CELF5: variants seen among roughly 807,000 people sequenced by gnomAD.
The protein encoded by CELF5 is CUGBP Elav-like family member 5.
In CELF5, 6 loss-of-function variants were observed where a neutral mutation model predicts 54.9. That is an observed-to-expected ratio of 0.11 (90% CI 0.06 to 0.22). CELF5 has a LOEUF of 0.22. Ranked by LOEUF, CELF5 falls within the 10% of genes least tolerant of loss-of-function variation. The pLI is 1.00. For missense variants in CELF5, 401 were observed against 678.6 expected, an observed-to-expected ratio of 0.59 and a Z score of 4.54; for synonymous variants, 271 against 290.9, an observed-to-expected ratio of 0.93 and a Z score of 0.70.
intron 1 of CELF5, among the ~76,000 whole-genome samples, chr19:3,247,186 G>A (rs764546742): frequency 3.3e-5 from 5 of 152,088 alleles, no homozygotes; most frequent in Non-Finnish European, 4.4e-5. Context: ...GAGTGCAGTG[G>A]CACAATCACA....
chr19:3,238,656 G>A (rs2079450003), intron 1 of CELF5, among the ~76,000 whole-genome samples: 1 of 152,118 alleles, frequency 6.6e-6, no homozygotes, highest in Non-Finnish European at 1.5e-5. Context: ...TTGAGGCCGG[G>A]TGTGGTGGCT....
intron 1 of CELF5, among the ~76,000 whole-genome samples, chr19:3,245,873 A>G (rs1409476264): frequency 1.3e-5 from 2 of 152,208 alleles, no homozygotes; most frequent in East Asian, 3.8e-4. Context: ...TCTCAATGAA[A>G]TACAACTGCA....
intron 2 of CELF5, among the ~76,000 whole-genome samples, chr19:3,255,601 T>C (rs980671625): frequency 3.3e-5 from 5 of 152,146 alleles, no homozygotes; most frequent in Non-Finnish European, 5.9e-5. Context: ...CTCTCATTTG[T>C]TGCCTTCTCT....
intron 10 of CELF5, among the ~76,000 whole-genome samples, chr19:3,288,734 G>T (rs1354986126): frequency 1.3e-5 from 2 of 152,150 alleles, no homozygotes; most frequent in African/African-American, 2.4e-5. Flanking sequence ...TGTGGTCCCA[G>T]CTACTCGGGA....
At chr19:3,254,941 CATCT>C (rs1205214567) in intron 2 of CELF5, among the ~76,000 whole-genome samples, 5 of 152,138 alleles carry the variant, frequency 3.3e-5, no homozygotes, top group African/African-American at 7.2e-5. Flanking sequence ...TCCACCCATC[CATCT>C]ATTAATTCAT....
intron 1 of CELF5, among the ~76,000 whole-genome samples, chr19:3,226,798 C>A (rs902393860): frequency 2.0e-5 from 3 of 148,844 alleles, no homozygotes. Flanking sequence ...ATTTTTAAAT[C>A]TCTGGGAAAC....
chr19:3,266,250 G>A (rs745624007), intron 2 of CELF5, among the ~76,000 whole-genome samples: 67 of 152,222 alleles, frequency 4.4e-4, no homozygotes, highest in Non-Finnish European at 6.2e-4. Context: ...AACGGACATG[G>A]CACCCCGGTG....
Position 3,255,271 on chromosome 19 carries a change from G to A in CELF5, c.342+4204G>A, listed in dbSNP as rs112205546. 1.4e-4 allele frequency among the ~76,000 whole-genome samples: 21 copies of A among 152,236 alleles called. 1 individual carries two copies. The highest frequency in any genetic ancestry group is 4.8e-4 in the African/African-American group (20 of 41,548). ...TTGATCTCAGCTCACTGCAACTTCT[G>A]CCTCGCGGGTTCAAGTGATTCTCCT... On this transcript the variant is annotated intron_variant, in intron 2 of 12. Coordinates refer to ENST00000292672, the MANE Select transcript of CELF5 (RefSeq NM_021938.4).
At position 3,282,152 on chromosome 19, in the gene CELF5, G is replaced by T. The variant is rs1207879343; in HGVS notation, c.777G>T (p.Leu259=). The T allele has an allele frequency of 6.2e-7, 1 of 1,614,204 alleles. No homozygotes were observed. The highest frequency in any genetic ancestry group is 8.5e-7 in the Non-Finnish European group (1 of 1,180,046). The change falls in exon 7 of 13, where the codon CTG becomes CTT. Residue 259 remains leucine, a synonymous_variant. Transcript: ENST00000292672. The surrounding 1 kb of genome is among the most constrained non-coding windows in gnomAD (Gnocchi z 5.2). ...QALMQQQTTV[L]STSGSYLSPG... ...TCATGCAACAGCAGACAACAGTCCT[G>T]TCCACCTCGGGCAGCTACCTGAGTC...
intron 2 of CELF5, chr19:3,270,473 C>T (rs1338068355): frequency 1.3e-5 from 2 of 151,030 alleles, no homozygotes; most frequent in Non-Finnish European, 3.0e-5. Context: ...GTGGGGAGAC[C>T]CAGATCCCCG....
chr19:3,239,027 CAA>C (rs1169177505), intron 1 of CELF5, among the ~76,000 whole-genome samples: 1 of 152,162 alleles, frequency 6.6e-6, no homozygotes, highest in Non-Finnish European at 1.5e-5. Context: ...TTGAAATCTG[CAA>C]AGTCTCTTTT....
intron 1 of CELF5, among the ~76,000 whole-genome samples, chr19:3,229,172 G>A (rs901963482): frequency 9.5e-5 from 14 of 147,222 alleles, no homozygotes; most frequent in Non-Finnish European, 1.8e-4. Flanking sequence ...TGGGCATTTG[G>A]TGTGAACAGA....
rs184179812 is a variant in CELF5, at chr19:3,265,998, G to A, written c.343-7874G>A. 5.5e-4 allele frequency among the ~76,000 whole-genome samples: 83 copies of A among 152,172 alleles called. 2 individuals are homozygous for A. The East Asian group carries it at 0.014, about 25-fold the overall frequency. On this transcript the variant is annotated intron_variant, in intron 2 of 12. Coordinates refer to ENST00000292672, the MANE Select transcript of CELF5 (RefSeq NM_021938.4). ...ATTTTTGTATTTTTAGTAGAGACGAGGTTTCACTATGTTGGTAAGGCTGGT... is the reference window on the plus strand; with the variant it reads ...ATTTTTGTATTTTTAGTAGAGACGAAGTTTCACTATGTTGGTAAGGCTGGT...
At chr19:3,251,930 C>T (rs989734992) in intron 2 of CELF5, among the ~76,000 whole-genome samples, 2 of 152,102 alleles carry the variant, frequency 1.3e-5, no homozygotes, top group African/African-American at 2.4e-5. Flanking sequence ...ACACCTCGGC[C>T]TCCCAAAGTG....
intron 11 of CELF5, among the ~76,000 whole-genome samples, chr19:3,292,602 G>T (rs570670450): frequency 4.6e-5 from 7 of 152,232 alleles, no homozygotes; most frequent in African/African-American, 1.4e-4. Context: ...GAGTATTTCT[G>T]ATGGCCTCTG....
At chr19:3,244,736 G>A (rs551430528) in intron 1 of CELF5, among the ~76,000 whole-genome samples, 113 of 144,196 alleles carry the variant, frequency 7.8e-4, no homozygotes, top group African/African-American at 1.3e-3. Flanking sequence ...TGTGTTGTGC[G>A]TGCCTTGTGT....
Position 3,246,574 on chromosome 19 carries a change from G to A in CELF5, c.260-4411G>A, listed in dbSNP as rs1226286097. Among the ~76,000 whole-genome samples, 70 of 151,258 alleles carry A rather than the reference G, an allele frequency of 4.6e-4. 1 individual carries two copies. The highest frequency in any genetic ancestry group is 1.8e-4 in the Non-Finnish European group (12 of 67,836). Reference sequence around the variant, plus strand: ...GTAATAATAATAATAACAGCTGGGTGTGGTGGCATGCAACTGTGGTCCCAG... The same window carrying A: ...GTAATAATAATAATAACAGCTGGGTATGGTGGCATGCAACTGTGGTCCCAG... On this transcript the variant is annotated intron_variant, in intron 1 of 12. Transcript: ENST00000292672.
At chr19:3,279,215 C>A (rs901125178) in intron 5 of CELF5, among the ~76,000 whole-genome samples, 2 of 151,788 alleles carry the variant, frequency 1.3e-5, no homozygotes, top group African/African-American at 4.8e-5. Context: ...GGATGGGGGG[C>A]CTGTTGACTC....
chr19:3,284,784 A>G (rs2080206782), intron 8 of CELF5, 118 bp from the exon 9 acceptor site: 1 of 867,216 alleles, frequency 1.2e-6, no homozygotes, highest in Admixed American at 2.0e-5. Context: ...CAGAGGGTTT[A>G]GCACAGAGGA....
Sources: gnomAD v4.1 joint callset for allele counts (sites outside exome capture counted in the v4.1 genomes callset) on GRCh38, gnomAD v4.1.1 for gene constraint, Gnocchi (gnomAD v3.1) non-coding constraint, MANE v1.5 for transcripts, NCBI Gene and HGNC (gene_info 2026-07-23, HGNC 2026-07-21) for gene names.